Variants in ZFHX3 observed in about 807,000 individuals in gnomAD.
ZFHX3 encodes the protein zinc finger homeobox protein 3.
A neutral mutation model predicts 279.1 loss-of-function variants in ZFHX3; 42 were observed. The ratio of observed to expected loss-of-function variants is 0.15; its 90% CI spans 0.12 to 0.19. ZFHX3 has a LOEUF of 0.19. Ranked by LOEUF, ZFHX3 falls within the 10% of genes least tolerant of loss-of-function variation. The pLI is 1.00. For synonymous variants in ZFHX3, 2,293 were observed against 1,957.8 expected (o/e 1.17, Z -4.52); for missense variants, 4,981 against 4,754.0 (o/e 1.05, Z -1.40).
At chr16:72,967,106 G>A (rs1311790733) in intron 1 of ZFHX3, among the ~76,000 whole-genome samples, 2 of 152,172 alleles carry the variant, frequency 1.3e-5, no homozygotes, top group Non-Finnish European at 2.9e-5. Flanking sequence ...CATGTAATAG[G>A]TGCTTAATAA....
intron 1 of ZFHX3, among the ~76,000 whole-genome samples, chr16:73,830,356 A>C (rs1960959336): frequency 6.6e-6 from 1 of 150,522 alleles, no homozygotes; most frequent in South Asian, 2.1e-4. Flanking sequence ...TGCAGAAATC[A>C]CCCGTCTTCT....
At chr16:73,697,290 G>A (rs1456407631) in intron 1 of ZFHX3, among the ~76,000 whole-genome samples, 2 of 151,674 alleles carry the variant, frequency 1.3e-5, no homozygotes, top group East Asian at 1.9e-4. Flanking sequence ...CACATATAAG[G>A]TGTTTAAAGT....
intron 4 of ZFHX3, among the ~76,000 whole-genome samples, chr16:72,885,221 C>T (rs919896211): frequency 1.1e-4 from 17 of 152,220 alleles, no homozygotes; most frequent in African/African-American, 4.8e-5. Context: ...GGCAGAGCTC[C>T]GCCATGGCAG....
chr16:73,010,574 C>T (rs1963879396), intron 1 of ZFHX3, among the ~76,000 whole-genome samples: 1 of 152,198 alleles, frequency 6.6e-6, no homozygotes, highest in African/African-American at 2.4e-5. Flanking sequence ...TCCCTGCTGA[C>T]CTGCAGAACC....
At chr16:73,428,444 C>G (rs1433273095) in intron 3 of ZFHX3, among the ~76,000 whole-genome samples, 1 of 152,140 alleles carries the variant, frequency 6.6e-6, no homozygotes, top group South Asian at 2.1e-4. Flanking sequence ...AAGAAAACAC[C>G]TCCCCGCGCT....
chr16:73,717,980 A>G (rs919712440), intron 1 of ZFHX3, among the ~76,000 whole-genome samples: 1 of 152,192 alleles, frequency 6.6e-6, no homozygotes, highest in Non-Finnish European at 1.5e-5. Flanking sequence ...GGATGTGGTG[A>G]TGTTTTGTTC....
chr16:73,118,829 A>AT (rs1206221843), intron 7 of ZFHX3, among the ~76,000 whole-genome samples: 1 of 152,122 alleles, frequency 6.6e-6, no homozygotes, highest in Non-Finnish European at 1.5e-5. Context: ...AGTACTTGAC[A>AT]TTTTTTGGTT....
rs116398406 is a variant in ZFHX3 at position 73,425,369 on chromosome 16, G to A, written c.-1291+30634C>T. 3.7e-3 allele frequency among the ~76,000 whole-genome samples: 567 copies of A among 152,242 alleles called. 2 individuals are homozygous for A. Among genetic ancestry groups the A allele is most frequent in the African/African-American group, 0.013 (543 of 41,534 alleles). On this transcript the variant is annotated intron_variant, in intron 3 of 17. Transcript: ENST00000641206. Reference sequence around the variant, plus strand: ...CATACATAGGTACCTTACACACCTAGCAATTTATGAATTGCTTAATCTATG... The same window carrying A: ...CATACATAGGTACCTTACACACCTAACAATTTATGAATTGCTTAATCTATG...
intron 4 of ZFHX3, among the ~76,000 whole-genome samples, chr16:73,313,827 G>A (rs1035346407): frequency 3.9e-5 from 6 of 152,324 alleles, no homozygotes; most frequent in Non-Finnish European, 8.8e-5. Flanking sequence ...GTAAACTTCA[G>A]TCAGCCACGG....
At chr16:72,845,934 T>C (rs1484258134) in intron 4 of ZFHX3, among the ~76,000 whole-genome samples, 2 of 152,144 alleles carry the variant, frequency 1.3e-5, no homozygotes, top group African/African-American at 4.8e-5. Flanking sequence ...CCAAGGACCA[T>C]ATGCTTAATG....
intron 2 of ZFHX3, among the ~76,000 whole-genome samples, chr16:73,656,135 G>C (rs1407245362): frequency 6.7e-6 from 1 of 148,480 alleles, no homozygotes. Context: ...AAGCTTTAGT[G>C]GAACACAACC....
intron 2 of ZFHX3, among the ~76,000 whole-genome samples, chr16:73,654,492 C>T (rs1275842803): frequency 6.6e-6 from 1 of 152,064 alleles, no homozygotes; most frequent in Non-Finnish European, 1.5e-5. Flanking sequence ...TTGATACCAA[C>T]CCCTAATGAT....
chr16:72,844,552 C>T (rs2037429385), intron 4 of ZFHX3, among the ~76,000 whole-genome samples: 1 of 152,100 alleles, frequency 6.6e-6, no homozygotes, highest in African/African-American at 2.4e-5. Flanking sequence ...GCCCAAAACA[C>T]ACTGGGGCTC....
chr16:73,640,213 T>G (rs2052561680), intron 2 of ZFHX3, among the ~76,000 whole-genome samples: 1 of 152,122 alleles, frequency 6.6e-6, no homozygotes, highest in Middle Eastern at 3.2e-3. Flanking sequence ...GGCAAGAAAT[T>G]ACAGGAGGTT....
At chr16:72,903,550 G>A (rs1292973932) in intron 3 of ZFHX3, among the ~76,000 whole-genome samples, 23 of 152,086 alleles carry the variant, frequency 1.5e-4, no homozygotes, top group Non-Finnish European at 1.8e-4. Context: ...CTAGAAAACC[G>A]TATTCTTACT....
At position 72,796,910 on chromosome 16, in the gene ZFHX3, C is replaced by T. The variant is rs1440007691; in HGVS notation, c.5772G>A (p.Gly1924=). The T allele has an allele frequency of 1.2e-6, 2 of 1,613,772 alleles. No individual in the cohort carries two copies. The highest frequency in any genetic ancestry group is 2.2e-5 in the East Asian group (1 of 44,834). ...KAKEKKELAP[G]GGSEPSMLPP... ...GGAGCATGGAAGGCTCAGAACCACC[C>T]CCTGGTGCCAACTCTTTCTTCTCTT... Residue 1924 remains glycine, a synonymous_variant, in exon 9 of 10, where the codon GGG becomes GGA. Coordinates refer to ENST00000268489, the MANE Select transcript of ZFHX3 (RefSeq NM_006885.4).
intron 2 of ZFHX3, among the ~76,000 whole-genome samples, chr16:73,549,003 G>A (rs1463409249): frequency 6.6e-6 from 1 of 152,104 alleles, no homozygotes; most frequent in African/African-American, 2.4e-5. Context: ...TTAAAAAAAT[G>A]TATATGCAAT....
chr16:73,076,488 G>T (rs1489457351), intron 8 of ZFHX3, among the ~76,000 whole-genome samples: 1 of 152,212 alleles, frequency 6.6e-6, no homozygotes, highest in East Asian at 1.9e-4. Flanking sequence ...GGGGGATGTT[G>T]TGAAGATTAA....
rs1597154301 is a variant in ZFHX3, at chr16:73,093,669, A to C, written c.-896-71T>G. 2.1e-5 allele frequency: 9 copies of C among 419,696 alleles called. No individual in the cohort carries two copies. In the Admixed American group the frequency reaches 2.3e-4, roughly 11 times the overall value. 26.0% of individuals were successfully genotyped at this position (419,696 alleles called of 1,614,324 possible). ...CCCACAGAATACAGTTCGCCATTAC[A>C]GCGCTGATTAAATACAGGACATTAT... On this transcript the variant is annotated intron_variant, in intron 7 of 17. Transcript: ENST00000641206.
Sources: allele counts gnomAD v4.1 joint callset (sites outside exome capture counted in the v4.1 genomes callset), GRCh38; gene constraint gnomAD v4.1.1; transcripts MANE v1.5; gene names NCBI Gene and HGNC (gene_info 2026-07-23, HGNC 2026-07-21).